Variants in ANKRD18B observed in about 807,000 individuals in gnomAD.
The protein encoded by ANKRD18B is ankyrin repeat domain-containing protein 18B.
A neutral mutation model predicts 111.8 loss-of-function variants in ANKRD18B; 75 were observed. That is an observed-to-expected ratio of 0.67 (90% CI 0.56 to 0.81). The LOEUF (loss-of-function observed/expected upper bound fraction) is 0.81, where lower values mean the gene tolerates loss of function less well. ANKRD18B is among the 40% of genes least tolerant of loss of function. The pLI is 0.00. For missense variants in ANKRD18B, 1,038 were observed against 1,225.5 expected (o/e 0.85, Z 2.28); for synonymous variants, 356 against 417.3 (o/e 0.85, Z 1.79).
At chr9:33,527,401 A>C (rs1392765411) in intron 1 of ANKRD18B, among the ~76,000 whole-genome samples, 2 of 152,072 alleles carry the variant, frequency 1.3e-5, no homozygotes, top group East Asian at 3.9e-4. Flanking sequence ...AGCTCACTGC[A>C]ACCTCTGCTG....
chr9:33,547,681 AGTGTGTGTGTGTGTGTGTGTGTGT>A (rs55918212), intron 10 of ANKRD18B, among the ~76,000 whole-genome samples: 1 of 146,174 alleles, frequency 6.8e-6, no homozygotes. Flanking sequence ...AATTCTCTAG[AGTGTGTGTGTGTGTGTGTGTGTGT>A]GTGTGTGTGT....
At chr9:33,546,774 C>G (rs916957225) in intron 10 of ANKRD18B, among the ~76,000 whole-genome samples, 1 of 152,062 alleles carries the variant, frequency 6.6e-6, no homozygotes, top group African/African-American at 2.4e-5. Context: ...GGGTGAGTTA[C>G]TTAATATTTC....
At chr9:33,549,822 T>C in intron 11 of ANKRD18B, among the ~76,000 whole-genome samples, 1 of 152,306 alleles carries the variant, frequency 6.6e-6, no homozygotes, top group South Asian at 2.1e-4. Context: ...CTGGCAGGTA[T>C]TTATAATTTA....
chr9:33,533,663 A>G (rs935657178), intron 4 of ANKRD18B, 118 bp downstream of exon 4: 1 of 1,413,936 alleles, frequency 7.1e-7, no homozygotes, highest in African/African-American at 1.5e-5. Flanking sequence ...ATTGGCATAT[A>G]GTAAAAAATA....
chr9:33,548,028 G>A lies in ANKRD18B; in HGVS notation c.1240G>A (p.Ala414Thr). 2.0e-6 allele frequency: 3 copies of A among 1,528,602 alleles called. No individual in the cohort carries two copies. The highest frequency in any genetic ancestry group is 2.6e-6 in the Non-Finnish European group (3 of 1,140,040). The allele number at this position is 1,528,602 out of a possible 1,614,324, so 94.7% of individuals were successfully genotyped here. Residue 414 changes from alanine to threonine, a missense_variant, in exon 11 of 19, where the codon GCA becomes ACA. Physicochemically the swap from Ala to Thr is moderately conservative, Grantham distance 58. Transcript: ENST00000684830. ...DIAMLKEELY[A>T]IKNDSLRKEK... Reference sequence around the variant, plus strand: ...TGCCATGCTCAAAGAGGAATTATATGCAATAAAAAATGACAGTCTCAGAAA... The same window carrying A: ...TGCCATGCTCAAAGAGGAATTATATACAATAAAAAATGACAGTCTCAGAAA...
At chr9:33,534,825 C>CTTTTTTTTTTTTTTTTTTTTTTTTTCTT (rs374951470) in intron 5 of ANKRD18B, among the ~76,000 whole-genome samples, 1 of 123,276 alleles carries the variant, frequency 8.1e-6, no homozygotes, top group Non-Finnish European at 1.7e-5. Flanking sequence ...TTCTTTCTTC[C>CTTTTTTTTTTTTTTTTTTTTTTTTTCTT]TTTTTTTTTT....
In ANKRD18B at chr9:33,548,203, T is replaced by C; in HGVS notation, c.1415T>C (p.Leu472Pro). ...LNDLKAENAR[L>P]NSKLEKEKHN... ...GATCTGAAAGCTGAGAATGCAAGGC[T>C]GAATTCAAAATTGGAGAAGGAAAAA... The change falls in exon 11 of 19, where the codon CTG becomes CCG. Residue 472 changes from leucine (L) to proline (P), a missense_variant. Around this residue, in one of 4 missense-constraint regions of ANKRD18B, gnomAD observed 205 missense variants for 201.3 expected, o/e 1.02. Coordinates refer to ENST00000684830, the MANE Select transcript of ANKRD18B (RefSeq NM_001393611.1). The C allele has an allele frequency of 6.5e-7, 1 of 1,550,272 alleles. No homozygotes were observed. The highest frequency in any genetic ancestry group is 1.2e-5 in the South Asian group (1 of 83,620).
intron 1 of ANKRD18B, among the ~76,000 whole-genome samples, chr9:33,525,571 G>A (rs10971548): frequency 0.4 from 60,538 of 151,682 alleles, 12,231 homozygotes; most frequent in South Asian, 0.54. Flanking sequence ...AATACCAGAA[G>A]AAAACACAAA....
intron 12 of ANKRD18B, among the ~76,000 whole-genome samples, chr9:33,552,614 A>C (rs949378621): frequency 2.0e-5 from 3 of 152,164 alleles, no homozygotes; most frequent in Non-Finnish European, 4.4e-5. Context: ...CACAGAGAGA[A>C]GAGTAAGCTA....
chr9:33,531,518 C>A (rs1376828182), intron 3 of ANKRD18B, among the ~76,000 whole-genome samples: 2 of 150,288 alleles, frequency 1.3e-5, no homozygotes, highest in African/African-American at 4.9e-5. Context: ...ATCTGGTGTC[C>A]CCAGAACCAC....
chr9:33,528,735 T>C lies in ANKRD18B; in HGVS notation c.215T>C (p.Leu72Pro), dbSNP rs749700718. The change falls in exon 2 of 19, where the codon CTA becomes CCA. Residue 72 changes from leucine (L) to proline (P), a missense_variant. Around this residue, in one of 4 missense-constraint regions of ANKRD18B, gnomAD observed 216 missense variants for 205.1 expected, o/e 1.05. Transcript: ENST00000684830. ...CCCTCTCGCTCTCCTAGGACTGTTC[T>C]ACATTTGGCCTGTGCCCATGGCCGT... ...DVRDRKDRTVLHLACAHGRVQ... is the reference protein window; with the variant it reads ...DVRDRKDRTVPHLACAHGRVQ... 20 of 1,610,796 alleles carry C rather than the reference T, an allele frequency of 1.2e-5. 1 individual carries two copies. The South Asian group carries it at 2.2e-4, about 18-fold the overall frequency.
chr9:33,556,465 T>C, intron 13 of ANKRD18B, among the ~76,000 whole-genome samples: 1 of 152,156 alleles, frequency 6.6e-6, no homozygotes, highest in East Asian at 1.9e-4. Flanking sequence ...GGTTTCACTA[T>C]GTTGGTCAGG....
intron 12 of ANKRD18B, among the ~76,000 whole-genome samples, chr9:33,552,294 A>T (rs1392504802): frequency 6.6e-6 from 1 of 152,228 alleles, no homozygotes; most frequent in African/African-American, 2.4e-5. Flanking sequence ...GCCTTCCTTC[A>T]CTATGTAGCC....
At chr9:33,543,982 A>G (rs1828320453) in intron 10 of ANKRD18B, among the ~76,000 whole-genome samples, 1 of 152,182 alleles carries the variant, frequency 6.6e-6, no homozygotes. Context: ...GTAGAATCAA[A>G]ATTTTCTTCT....
rs1470876181 is a variant in ANKRD18B at position 33,568,939 on chromosome 9, T to C, written c.3177+46T>C. On this transcript the variant is annotated intron_variant, in intron 17 of 18. Coordinates refer to ENST00000684830, the MANE Select transcript of ANKRD18B (RefSeq NM_001393611.1). ...TCTTTTGGGTTTCATTTCTCTAATA[T>C]AATTCTTGTTTATAATTTGGTGAAA... 37 of 1,441,048 alleles carry C rather than the reference T, an allele frequency of 2.6e-5. No homozygotes were observed. In the Middle Eastern group the frequency reaches 7.2e-4, roughly 28 times the overall value. The allele number at this position is 1,441,048 out of a possible 1,614,324, so 89.3% of individuals were successfully genotyped here. A position where few individuals can be genotyped will look rare whatever the true frequency, so the allele number is the denominator to read the frequency against.
At chr9:33,557,120 T>C (rs1394611485) in intron 13 of ANKRD18B, among the ~76,000 whole-genome samples, 2 of 152,184 alleles carry the variant, frequency 1.3e-5, no homozygotes, top group African/African-American at 4.8e-5. Flanking sequence ...GTATCTTTCA[T>C]TTTGTTGACA....
At position 33,569,141 on chromosome 9, in the gene ANKRD18B, C is replaced by A. The variant is rs1286717658; in HGVS notation, c.3177+248C>A. The stretch of plus-strand genomic sequence containing the variant: ...GGTTAAACTGACACATTTAAAATTT[C>A]TCTAAAAGCTGCATTTGTTAGGTTT... On this transcript the variant is annotated intron_variant, in intron 17 of 18. Transcript: ENST00000684830. 1.2e-4 allele frequency: 40 copies of A among 337,986 alleles called. 1 individual carries two copies. The Admixed American group carries it at 1.7e-3, about 15-fold the overall frequency. The allele number at this position is 337,986 out of a possible 1,614,324, so 20.9% of individuals were successfully genotyped here. A position where few individuals can be genotyped will look rare whatever the true frequency, so the allele number is the denominator to read the frequency against.
At chr9:33,527,602 G>A (rs1339147758) in intron 1 of ANKRD18B, among the ~76,000 whole-genome samples, 3 of 152,212 alleles carry the variant, frequency 2.0e-5, no homozygotes. Flanking sequence ...TTACAGGCGT[G>A]AGCCACCGCG....
intron 1 of ANKRD18B, among the ~76,000 whole-genome samples, chr9:33,528,286 G>T (rs143330776): frequency 1.3e-5 from 2 of 152,244 alleles, no homozygotes; most frequent in African/African-American, 2.4e-5. Flanking sequence ...GGGCAAGAGA[G>T]CAAGACCCTG....
Sources: allele counts gnomAD v4.1 joint callset (sites outside exome capture counted in the v4.1 genomes callset), GRCh38; gene constraint gnomAD v4.1.1; regional missense constraint gnomAD v4.1.1; transcripts MANE v1.5; gene names NCBI Gene and HGNC (gene_info 2026-07-23, HGNC 2026-07-21).